The following CPXM2 variants were observed in gnomAD, a reference collection of about 807,000 sequenced individuals.
The protein encoded by CPXM2 is inactive carboxypeptidase-like protein X2.
Under a neutral mutation model 86.1 loss-of-function variants are expected in CPXM2, and 66 were observed. That is an observed-to-expected ratio of 0.77 (90% CI 0.63 to 0.94). The LOEUF (loss-of-function observed/expected upper bound fraction) is 0.94, where lower values mean the gene tolerates loss of function less well. Among genes scored for constraint, CPXM2 ranks in the 40% least tolerant of loss-of-function variants. The pLI, the probability that CPXM2 is intolerant of heterozygous loss-of-function variation, is 0.00. For synonymous variants in CPXM2, 388 were observed against 400.2 expected (o/e 0.97, Z 0.36); for missense variants, 948 against 1,026.3 (o/e 0.92, Z 1.04).
At chr10:123,931,703 A>T (rs948005654) in intron 2 of CPXM2, 1 of 152,184 alleles carries the variant, frequency 6.6e-6, no homozygotes, top group African/African-American at 2.4e-5. Flanking sequence ...TTCCCACTAC[A>T]CTCATTTTAA....
intron 1 of CPXM2, 48 bp from the exon 2 acceptor site, chr10:123,880,357 G>T: frequency 1.2e-6 from 1 of 833,282 alleles, no homozygotes; most frequent in Non-Finnish European, 2.1e-6. Flanking sequence ...CATCAGAGCT[G>T]GTTCAAGATG....
At chr10:123,864,727 A>G (rs1232465310) in intron 2 of CPXM2, among the ~76,000 whole-genome samples, 1 of 152,258 alleles carries the variant, frequency 6.6e-6, no homozygotes, top group Non-Finnish European at 1.5e-5. Flanking sequence ...ATCATGTACC[A>G]GCTCAATAAA....
chr10:123,942,412 G>A (rs1590133823), upstream of CPXM2, among the ~76,000 whole-genome samples: 1 of 152,172 alleles, frequency 6.6e-6, no homozygotes, highest in South Asian at 2.1e-4. Flanking sequence ...AATGAAAACA[G>A]GATGTGGTAA....
At chr10:123,937,308 G>A (rs1945729241) in intron 2 of CPXM2, among the ~76,000 whole-genome samples, 1 of 152,192 alleles carries the variant, frequency 6.6e-6, no homozygotes. Flanking sequence ...GATCAGGAGA[G>A]CTGAAGAAGA....
intron 2 of CPXM2, among the ~76,000 whole-genome samples, chr10:123,864,152 C>G (rs575552030): frequency 6.6e-6 from 1 of 152,276 alleles, no homozygotes; most frequent in South Asian, 2.1e-4. Flanking sequence ...GCTCTTCTCC[C>G]CATCACCTGG....
chr10:123,771,313 C>T (rs569749927), intron 7 of CPXM2, among the ~76,000 whole-genome samples: 1 of 152,276 alleles, frequency 6.6e-6, no homozygotes, highest in African/African-American at 2.4e-5. Flanking sequence ...CTGTACTTTC[C>T]ACACCCCTTG....
rs549217067 is a variant in CPXM2 at position 123,818,293 on chromosome 10, G to A, written c.654-19094C>T. On this transcript the variant is annotated intron_variant, in intron 4 of 13. Transcript: ENST00000241305. ...CCATGGGGGCAGGGATGGAGGTTAC[G>A]CATGGGCTCAGCAACATGTACTCCC... Among the ~76,000 whole-genome samples the A allele has an allele frequency of 5.6e-4, 86 of 152,280 alleles. 1 individual carries two copies. Among genetic ancestry groups the A allele is most frequent in the South Asian group, 4.4e-3 (21 of 4,816 alleles).
chr10:123,891,563 G>A lies in CPXM2; in HGVS notation c.97C>T (p.Pro33Ser), dbSNP rs1462546568. The A allele has an allele frequency of 1.4e-5, 21 of 1,546,138 alleles. No individual in the cohort carries two copies. The highest frequency in any genetic ancestry group is 1.8e-5 in the Non-Finnish European group (21 of 1,144,552). The change falls in exon 1 of 14, where the codon CCT (proline) becomes TCT (serine). Residue 33 changes from proline (P) to serine (S), a missense_variant. Transcript: ENST00000241305. The surrounding 1 kb of genome is among the most constrained non-coding windows in gnomAD (Gnocchi z 5.6). ...VGAQGAALED[P>S]DYYGQEIWSR... ...CAGATCTCCTGCCCGTAATAATCAG[G>A]GTCCTCGAGGGCTGCGCCCTGGGCT...
At position 123,793,003 on chromosome 10, in the gene CPXM2, T is replaced by G. The variant is rs189923959; in HGVS notation, c.889+4973A>C. Among the ~76,000 whole-genome samples the G allele has an allele frequency of 1.9e-3, 289 of 152,268 alleles. 1 individual carries two copies. The highest frequency in any genetic ancestry group is 2.0e-3 in the Non-Finnish European group (136 of 68,010). On this transcript the variant is annotated intron_variant, in intron 6 of 13. Transcript: ENST00000241305. ...AGATTTGGGATTTCCCTTAGGACTG[T>G]GAGGAACATTTGTGTTATTTTATTT...
chr10:123,746,997 G>A lies in CPXM2; in HGVS notation c.2038C>T (p.Arg680Cys), dbSNP rs749163201. The change falls in exon 14 of 14, where the codon CGC becomes TGC. Residue 680 changes from arginine (R) to cysteine (C), a missense_variant. Transcript: ENST00000241305. ...IRTANDGDYW[R>C]LLNPGEYVVT... is the part of the protein sequence containing the mutation. ...ACATACTCTCCAGGGTTCAGGAGGC[G>A]CCAGTAATCCCCATCGTTGGCTGTG... 1.9e-5 allele frequency: 31 copies of A among 1,613,884 alleles called. No individual in the cohort carries two copies. Among genetic ancestry groups the A allele is most frequent in the East Asian group, 4.5e-5 (2 of 44,902 alleles).
chr10:123,785,555 C>G (rs1416058165), intron 6 of CPXM2, among the ~76,000 whole-genome samples: 2 of 152,146 alleles, frequency 1.3e-5, no homozygotes, highest in African/African-American at 4.8e-5. Context: ...GTCACCCTCT[C>G]CAACTAGCTC....
intron 2 of CPXM2, among the ~76,000 whole-genome samples, chr10:123,932,701 G>C (rs891451175): frequency 6.6e-6 from 1 of 152,182 alleles, no homozygotes; most frequent in South Asian, 2.1e-4. Context: ...TTTACATAAG[G>C]AACGCAAGAG....
intron 2 of CPXM2, among the ~76,000 whole-genome samples, chr10:123,933,230 G>T (rs1444452811): frequency 6.6e-6 from 1 of 152,222 alleles, no homozygotes. Flanking sequence ...GCAAGAGCCA[G>T]CATCATTCCT....
chr10:123,881,225 ACCCTTCTCTTCCCTTCCCTT>A (rs1945083700), intron 1 of CPXM2, among the ~76,000 whole-genome samples: 1 of 52,950 alleles, frequency 1.9e-5, no homozygotes, highest in African/African-American at 1.4e-4. Context: ...CTCCTGGAGC[ACCCTTCTCTTCCCTTCCCTT>A]CCCTTCCCTT....
intron 4 of CPXM2, among the ~76,000 whole-genome samples, chr10:123,804,809 C>T (rs1847543981): frequency 6.6e-6 from 1 of 152,182 alleles, no homozygotes; most frequent in Admixed American, 6.5e-5. Context: ...GAGTAAGATG[C>T]TTCCTGTAGG....
At chr10:123,881,841 A>G (rs1025926032) in intron 1 of CPXM2, among the ~76,000 whole-genome samples, 2 of 152,192 alleles carry the variant, frequency 1.3e-5, no homozygotes, top group African/African-American at 4.8e-5. Context: ...TGTTGATGAG[A>G]CAGGGATGAT....
At chr10:123,760,202 AC>A (rs2133984372) in intron 11 of CPXM2, among the ~76,000 whole-genome samples, 1 of 152,344 alleles carries the variant, frequency 6.6e-6, no homozygotes, top group East Asian at 1.9e-4. Flanking sequence ...GTTATGAGTG[AC>A]CAACACTGCG....
At chr10:123,859,238 C>T (rs781468196) in intron 3 of CPXM2, among the ~76,000 whole-genome samples, 13 of 152,254 alleles carry the variant, frequency 8.5e-5, no homozygotes, top group Non-Finnish European at 1.8e-4. Context: ...ACAAAATACT[C>T]GTATGTGAGA....
At chr10:123,869,760 C>T (rs1373459256) in intron 2 of CPXM2, among the ~76,000 whole-genome samples, 7 of 152,170 alleles carry the variant, frequency 4.6e-5, no homozygotes, top group African/African-American at 1.7e-4. Context: ...TGCCCTCTGG[C>T]ACAGATTCAT....
Sources: allele counts gnomAD v4.1 joint callset (sites outside exome capture counted in the v4.1 genomes callset), GRCh38; gene constraint gnomAD v4.1.1; non-coding constraint Gnocchi (gnomAD v3.1); transcripts MANE v1.5; gene names NCBI Gene and HGNC (gene_info 2026-07-23, HGNC 2026-07-21).